Variants in ALDH8A1 observed in about 807,000 individuals in gnomAD.
ALDH8A1 encodes the protein 2-aminomuconic semialdehyde dehydrogenase.
ALDH8A1 carries 39 observed loss-of-function variants against 43.3 expected under a neutral mutation model. The observed-to-expected ratio is 0.90, with a 90% CI of 0.70 to 1.18. The LOEUF is 1.18. ALDH8A1 is among the 50% of genes most tolerant of loss of function. The pLI is 0.00. For synonymous variants in ALDH8A1, 233 were observed against 243.5 expected (o/e 0.96, Z 0.40); for missense variants, 605 against 622.6 (o/e 0.97, Z 0.30).
intron 3 of ALDH8A1, among the ~76,000 whole-genome samples, chr6:134,941,191 G>T (rs958513115): frequency 6.6e-6 from 1 of 152,070 alleles, no homozygotes; most frequent in African/African-American, 2.4e-5. Context: ...TTTATTTAAT[G>T]TACATAAATA....
In ALDH8A1 at chr6:134,943,887, A is replaced by G. The variant is rs2114708545; in HGVS notation, c.218T>C (p.Leu73Pro). The G allele has an allele frequency of 1.2e-6, 2 of 1,614,258 alleles. No individual in the cohort carries two copies. The highest frequency in any genetic ancestry group is 1.1e-5 in the South Asian group (1 of 91,088). The change falls in exon 2 of 7, where the codon CTG becomes CCG. Residue 73 changes from leucine (L) to proline (P), a missense_variant. Coordinates refer to ENST00000265605, the MANE Select transcript of ALDH8A1 (RefSeq NM_022568.4). ...CTCCAGCAAATCCGCCACCTGGTTC[A>G]GGACCCGTGAGCGCTCCTGGGGGCT... Reference protein sequence around the residue: ...SRSPQERSRVLNQVADLLEQS... With the variant: ...SRSPQERSRVPNQVADLLEQS...
At chr6:134,923,770 A>C (rs1159767939) in intron 6 of ALDH8A1, among the ~76,000 whole-genome samples, 1 of 152,226 alleles carries the variant, frequency 6.6e-6, no homozygotes, top group Non-Finnish European at 1.5e-5. Context: ...GGTAGAAATA[A>C]TGAGGAATGA....
At chr6:134,926,381 A>G (rs904594828) in intron 6 of ALDH8A1, among the ~76,000 whole-genome samples, 14 of 151,844 alleles carry the variant, frequency 9.2e-5, no homozygotes, top group Admixed American at 9.2e-4. Context: ...TTGTATTTTT[A>G]GTAGAGACAG....
intron 1 of ALDH8A1, among the ~76,000 whole-genome samples, chr6:134,946,214 T>G (rs1773946794): frequency 6.6e-6 from 1 of 152,214 alleles, no homozygotes; most frequent in East Asian, 1.9e-4. Flanking sequence ...TAGAAATTTC[T>G]AGAAATATGG....
intron 3 of ALDH8A1, among the ~76,000 whole-genome samples, chr6:134,941,029 A>C (rs1042715191): frequency 6.6e-6 from 1 of 152,222 alleles, no homozygotes; most frequent in Non-Finnish European, 1.5e-5. Flanking sequence ...GGAAACAGTG[A>C]CATCTGGTGG....
chr6:134,934,031 T>C (rs1157792806), intron 4 of ALDH8A1, among the ~76,000 whole-genome samples: 1 of 152,190 alleles, frequency 6.6e-6, no homozygotes, highest in African/African-American at 2.4e-5. Context: ...TTTCTGGACT[T>C]ACTTGTTCAT....
chr6:134,944,961 G>T (rs937322410), intron 1 of ALDH8A1, among the ~76,000 whole-genome samples: 1 of 148,550 alleles, frequency 6.7e-6, no homozygotes, highest in East Asian at 1.9e-4. Flanking sequence ...TATATATACA[G>T]TAGAAGAAGA....
intron 6 of ALDH8A1, among the ~76,000 whole-genome samples, chr6:134,919,422 CT>C (rs1366014010): frequency 2.6e-5 from 4 of 152,102 alleles, no homozygotes; most frequent in Non-Finnish European, 4.4e-5. Flanking sequence ...CAAATCATTT[CT>C]AATTTCTAGT....
At chr6:134,929,998 T>C (rs1197814024) in intron 5 of ALDH8A1, among the ~76,000 whole-genome samples, 1 of 152,058 alleles carries the variant, frequency 6.6e-6, no homozygotes, top group Non-Finnish European at 1.5e-5. Flanking sequence ...GAGGCATCCA[T>C]GGAGATGCAG....
chr6:134,948,607 C>A (rs1378931176), intron 1 of ALDH8A1, among the ~76,000 whole-genome samples: 1 of 152,098 alleles, frequency 6.6e-6, no homozygotes, highest in Non-Finnish European at 1.5e-5. Flanking sequence ...GCAGCACCAG[C>A]AACATTTTCC....
chr6:134,943,676 CTG>C, intron 2 of ALDH8A1, 141 bp downstream of exon 2: 1 of 1,306,050 alleles, frequency 7.7e-7, no homozygotes, highest in Non-Finnish European at 1.0e-6. Context: ...CTTCCCAGGC[CTG>C]GAGCAGGGGA....
At chr6:134,938,153 G>C (rs576668319) in intron 4 of ALDH8A1, among the ~76,000 whole-genome samples, 12 of 152,200 alleles carry the variant, frequency 7.9e-5, no homozygotes, top group Non-Finnish European at 1.6e-4. Context: ...GCCTCTCTAT[G>C]GGCTGAAAGG....
intron 5 of ALDH8A1, 21 bp from the exon 6 acceptor site, chr6:134,929,236 G>C (rs774111240): frequency 5.0e-6 from 8 of 1,611,468 alleles, no homozygotes; most frequent in Middle Eastern, 1.7e-4. Context: ...TGAGAACAGG[G>C]ATAAGGCTGC....
chr6:134,944,149 C>A (rs536692419), intron 1 of ALDH8A1, 183 bp from the exon 2 acceptor site: 2 of 680,828 alleles, frequency 2.9e-6, no homozygotes, highest in East Asian at 3.1e-5. Context: ...CTCACTGCAA[C>A]CTCTGCCTCC....
At chr6:134,948,631 G>C (rs1032424452) in intron 1 of ALDH8A1, among the ~76,000 whole-genome samples, 1 of 152,166 alleles carries the variant, frequency 6.6e-6, no homozygotes, top group African/African-American at 2.4e-5. Context: ...GTGATGTTTT[G>C]GAAATTGGAC....
At chr6:134,946,783 C>T (rs531625583) in intron 1 of ALDH8A1, among the ~76,000 whole-genome samples, 66 of 149,088 alleles carry the variant, frequency 4.4e-4, no homozygotes, top group Admixed American at 4.6e-4. Context: ...CATGTGTGCG[C>T]GCGCGCACAG....
chr6:134,920,436 G>A (rs998764521), intron 6 of ALDH8A1, among the ~76,000 whole-genome samples: 2 of 152,178 alleles, frequency 1.3e-5, no homozygotes, highest in Non-Finnish European at 2.9e-5. Flanking sequence ...TGTGTGAATA[G>A]GGGAATGGAG....
chr6:134,932,467 C>T lies in ALDH8A1; in HGVS notation c.849+309G>A, dbSNP rs148676549. 2.6e-5 allele frequency among the ~76,000 whole-genome samples: 4 copies of T among 152,220 alleles called. 1 individual carries two copies. In the East Asian group the frequency reaches 7.7e-4, roughly 29 times the overall value. Reference sequence around the variant, plus strand: ...GAAAAGAATAAAAGACAAGACAGGGCAGCTGTGTGAATAAAGAAATGGAGA... The same window carrying T: ...GAAAAGAATAAAAGACAAGACAGGGTAGCTGTGTGAATAAAGAAATGGAGA... On this transcript the variant is annotated intron_variant, in intron 5 of 6. Transcript: ENST00000265605.
intron 6 of ALDH8A1, among the ~76,000 whole-genome samples, chr6:134,925,226 C>T (rs947994710): frequency 1.1e-4 from 17 of 152,122 alleles, no homozygotes; most frequent in African/African-American, 3.1e-4. Context: ...GCTGGAATCA[C>T]CAATACTTGT....
Sources: allele counts gnomAD v4.1 joint callset (sites outside exome capture counted in the v4.1 genomes callset), GRCh38; gene constraint gnomAD v4.1.1; transcripts MANE v1.5; gene names NCBI Gene and HGNC (gene_info 2026-07-23, HGNC 2026-07-21).